UBR3: variants seen among roughly 807,000 people sequenced by gnomAD.
UBR3 encodes E3 ubiquitin-protein ligase UBR3.
A neutral mutation model predicts 243.2 loss-of-function variants in UBR3; 85 were observed. The ratio of observed to expected loss-of-function variants is 0.35; its 90% CI spans 0.29 to 0.42. The LOEUF is 0.42. UBR3 is among the 10% of genes least tolerant of loss of function. The pLI is 1.00. For missense variants in UBR3, 1,686 were observed against 2,300.8 expected, an observed-to-expected ratio of 0.73 and a Z score of 5.47; for synonymous variants, 748 against 799.8, an observed-to-expected ratio of 0.94 and a Z score of 1.09.
At chr2:170,016,165 G>T (rs2090230663) in intron 30 of UBR3, among the ~76,000 whole-genome samples, 1 of 151,664 alleles carries the variant, frequency 6.6e-6, no homozygotes, top group South Asian at 2.1e-4. Flanking sequence ...ATACATGTTG[G>T]TTTTTTAACA....
intron 21 of UBR3, among the ~76,000 whole-genome samples, chr2:169,947,164 T>G (rs770073671): frequency 3.3e-5 from 5 of 152,136 alleles, no homozygotes; most frequent in African/African-American, 7.2e-5. Context: ...CCTCTATGAT[T>G]AGTGATACCT....
chr2:169,931,492 G>A (rs2086129419), intron 18 of UBR3, among the ~76,000 whole-genome samples: 1 of 151,980 alleles, frequency 6.6e-6, no homozygotes, highest in Non-Finnish European at 1.5e-5. Flanking sequence ...ACTAGGGACA[G>A]TGGTTAACAA....
chr2:169,892,492 C>T (rs1168267161), intron 6 of UBR3, among the ~76,000 whole-genome samples: 7 of 152,080 alleles, frequency 4.6e-5, no homozygotes, highest in African/African-American at 1.4e-4. Flanking sequence ...TTTTCTTTGT[C>T]TGTTTTTAAA....
intron 1 of UBR3, among the ~76,000 whole-genome samples, chr2:169,833,694 C>T (rs541202952): frequency 4.1e-4 from 62 of 152,112 alleles, no homozygotes; most frequent in Non-Finnish European, 7.2e-4. Flanking sequence ...TGCCTTTCTC[C>T]ATCCTACCCC....
intron 35 of UBR3, among the ~76,000 whole-genome samples, chr2:170,066,781 C>T (rs1030248181): frequency 7.2e-5 from 11 of 151,786 alleles, no homozygotes; most frequent in African/African-American, 2.2e-4. Context: ...CTGGCTAACA[C>T]GGTGAAACCC....
chr2:169,839,415 T>C (rs556240497), intron 1 of UBR3, among the ~76,000 whole-genome samples: 1 of 152,270 alleles, frequency 6.6e-6, no homozygotes, highest in East Asian at 1.9e-4. Flanking sequence ...GATACAAATA[T>C]ATGGTTTGAT....
intron 1 of UBR3, among the ~76,000 whole-genome samples, chr2:169,855,805 C>T (rs1375585105): frequency 6.6e-6 from 1 of 152,232 alleles, no homozygotes; most frequent in Admixed American, 6.5e-5. Context: ...CACTTCCCCA[C>T]TTTCTATTCG....
chr2:169,972,166 G>T (rs1167631394), intron 24 of UBR3, among the ~76,000 whole-genome samples: 2 of 152,174 alleles, frequency 1.3e-5, no homozygotes, highest in Non-Finnish European at 2.9e-5. Flanking sequence ...AAATCCAGAA[G>T]AAATTGATAA....
At position 169,903,869 on chromosome 2, in the gene UBR3, A is replaced by G. The variant is rs747091745; in HGVS notation, c.1466-1245A>G. ...GACCCCCATCTTTGAAAAAATATAT[A>G]TATACCTTAAACATTGTATTTTAAC... On this transcript the variant is annotated intron_variant, in intron 8 of 38. Coordinates refer to ENST00000272793, the MANE Select transcript of UBR3 (RefSeq NM_172070.4). Among the ~76,000 whole-genome samples, 52 of 152,210 alleles carry G rather than the reference A, an allele frequency of 3.4e-4. No homozygotes were observed. In the Middle Eastern group the frequency reaches 0.01, roughly 30 times the overall value.
intron 7 of UBR3, among the ~76,000 whole-genome samples, chr2:169,896,135 A>C (rs2084579055): frequency 6.6e-6 from 1 of 152,058 alleles, no homozygotes; most frequent in Non-Finnish European, 1.5e-5. Context: ...TGAAAATACA[A>C]AAATTAGTTG....
At chr2:170,028,051 T>C (rs1409476780) in intron 30 of UBR3, among the ~76,000 whole-genome samples, 2 of 151,874 alleles carry the variant, frequency 1.3e-5, no homozygotes, top group African/African-American at 4.8e-5. Flanking sequence ...AATGAAGAAA[T>C]TTAAGGAAGA....
intron 19 of UBR3, among the ~76,000 whole-genome samples, chr2:169,933,856 A>G (rs73015766): frequency 0.044 from 6,615 of 150,546 alleles, 164 homozygotes; most frequent in Middle Eastern, 0.068. Context: ...CCCCCAAACA[A>G]AACCAAAACG....
At chr2:169,895,030 T>C (rs2084528478) in intron 6 of UBR3, 151 bp from the exon 7 acceptor site, 4 of 697,024 alleles carry the variant, frequency 5.7e-6, no homozygotes, top group Non-Finnish European at 8.6e-6. Context: ...GTGTACATTA[T>C]AGAAATCTAG....
chr2:169,991,728 G>A (rs1454523029), intron 25 of UBR3, among the ~76,000 whole-genome samples: 3 of 151,996 alleles, frequency 2.0e-5, no homozygotes, highest in Non-Finnish European at 2.9e-5. Context: ...GACCACAGGC[G>A]CCCGCCACGA....
intron 23 of UBR3, among the ~76,000 whole-genome samples, chr2:169,955,008 G>A: frequency 6.6e-6 from 1 of 152,182 alleles, no homozygotes; most frequent in Non-Finnish European, 1.5e-5. Context: ...TGAAGCAGTA[G>A]TAACATTGTA....
chr2:169,894,704 T>C (rs749005198), intron 6 of UBR3, among the ~76,000 whole-genome samples: 2 of 152,158 alleles, frequency 1.3e-5, no homozygotes, highest in African/African-American at 2.4e-5. Context: ...GTAGTGTTAA[T>C]TGAAAAAACT....
chr2:169,925,520 C>A, intron 13 of UBR3, 99 bp from the exon 14 acceptor site: 1 of 1,118,548 alleles, frequency 8.9e-7, no homozygotes, highest in Non-Finnish European at 1.2e-6. Flanking sequence ...CGGGCTTATA[C>A]TATGATCACA....
intron 11 of UBR3, among the ~76,000 whole-genome samples, chr2:169,917,848 G>A (rs542437337): frequency 7.9e-5 from 12 of 152,166 alleles, no homozygotes; most frequent in African/African-American, 2.6e-4. Flanking sequence ...GACTACAGGC[G>A]TGTGCCACCA....
chr2:169,926,643 G>A, intron 14 of UBR3, 49 bp from the exon 15 acceptor site: 1 of 1,472,716 alleles, frequency 6.8e-7, no homozygotes, highest in Non-Finnish European at 9.1e-7. Flanking sequence ...ATTAATAGAA[G>A]AAGGAAAACT....
Sources: allele counts gnomAD v4.1 joint callset (sites outside exome capture counted in the v4.1 genomes callset), GRCh38; gene constraint gnomAD v4.1.1; transcripts MANE v1.5; gene names NCBI Gene and HGNC (gene_info 2026-07-23, HGNC 2026-07-21).